NLGN1: variants seen among roughly 807,000 people sequenced by gnomAD.
NLGN1 encodes the protein neuroligin-1.
A neutral mutation model predicts 65.5 loss-of-function variants in NLGN1; 12 were observed. The ratio of observed to expected loss-of-function variants is 0.18; its 90% CI spans 0.12 to 0.30. The LOEUF (loss-of-function observed/expected upper bound fraction) is 0.30, where lower values mean the gene tolerates loss of function less well. Ranked by LOEUF, NLGN1 falls within the 10% of genes least tolerant of loss-of-function variation. NLGN1 has a pLI of 1.00. For missense variants in NLGN1, 750 were observed against 1,007.1 expected, an observed-to-expected ratio of 0.74 and a Z score of 3.46; for synonymous variants, 350 against 359.5, an observed-to-expected ratio of 0.97 and a Z score of 0.30.
chr3:173,956,555 G>C (rs1285282463), intron 4 of NLGN1, among the ~76,000 whole-genome samples: 1 of 152,090 alleles, frequency 6.6e-6, no homozygotes, highest in Non-Finnish European at 1.5e-5. Context: ...ACATGATGTG[G>C]TAACCATCAT....
chr3:173,407,434 A>T (rs1711515439), intron 1 of NLGN1, among the ~76,000 whole-genome samples: 2 of 152,186 alleles, frequency 1.3e-5, no homozygotes. Flanking sequence ...TCTTCACATA[A>T]TGCCTTCATG....
chr3:174,237,876 G>T (rs746606162), intron 4 of NLGN1, among the ~76,000 whole-genome samples: 1 of 152,096 alleles, frequency 6.6e-6, no homozygotes, highest in Non-Finnish European at 1.5e-5. Flanking sequence ...TTTTTAGGTT[G>T]TAAGTTGATA....
chr3:173,953,133 GCAGT>G (rs751263166), intron 4 of NLGN1, among the ~76,000 whole-genome samples: 3 of 152,208 alleles, frequency 2.0e-5, no homozygotes, highest in Non-Finnish European at 2.9e-5. Flanking sequence ...CTGTTTATCA[GCAGT>G]CAGAGTAGCT....
chr3:173,873,779 G>C (rs1214775590), intron 4 of NLGN1, among the ~76,000 whole-genome samples: 1 of 152,026 alleles, frequency 6.6e-6, no homozygotes, highest in Non-Finnish European at 1.5e-5. Context: ...CAGAGATCTT[G>C]GACAGTGATG....
intron 2 of NLGN1, among the ~76,000 whole-genome samples, chr3:173,456,005 A>G (rs989811061): frequency 7.2e-5 from 11 of 152,058 alleles, no homozygotes; most frequent in Admixed American, 2.0e-4. Context: ...TTTTTGTTCT[A>G]TTTAGGCCCA....
intron 3 of NLGN1, among the ~76,000 whole-genome samples, chr3:173,691,323 T>C (rs1765436573): frequency 1.3e-5 from 2 of 152,130 alleles, no homozygotes; most frequent in Non-Finnish European, 2.9e-5. Context: ...TTTCTGTCTC[T>C]CTGTTTCTCC....
intron 4 of NLGN1, among the ~76,000 whole-genome samples, chr3:173,832,417 G>T (rs1401331670): frequency 6.6e-6 from 1 of 152,104 alleles, no homozygotes; most frequent in Admixed American, 6.6e-5. Context: ...ATACAGGATT[G>T]ATATTCTTTT....
Position 173,927,533 on chromosome 3 carries a change from A to G in NLGN1, c.646+119701A>G, listed in dbSNP as rs560440571. ...TCTCCTCCTGCTCTTCCTGGCTACT[A>G]TACACTTCTTCCCATTCACTGCTCA... On this transcript the variant is annotated intron_variant, in intron 4 of 6. Transcript: ENST00000457714. 2.0e-5 allele frequency among the ~76,000 whole-genome samples: 3 copies of G among 152,190 alleles called. No individual in the cohort carries two copies. The South Asian group carries it at 6.2e-4, about 32-fold the overall frequency.
chr3:173,563,368 C>T (rs1274110339), intron 2 of NLGN1, among the ~76,000 whole-genome samples: 7 of 152,076 alleles, frequency 4.6e-5, no homozygotes, highest in Admixed American at 6.5e-5. Flanking sequence ...CTGAGAAAAT[C>T]GGAACAAACC....
chr3:173,844,111 T>G (rs2150694751), intron 4 of NLGN1, among the ~76,000 whole-genome samples: 1 of 152,232 alleles, frequency 6.6e-6, no homozygotes, highest in South Asian at 2.1e-4. Flanking sequence ...AACCATGAGA[T>G]CTCATGAGCC....
At chr3:173,438,022 A>AT (rs11387228) in intron 2 of NLGN1, among the ~76,000 whole-genome samples, 26,137 of 151,404 alleles carry the variant, frequency 0.17, 3,389 homozygotes, top group African/African-American at 0.37. Flanking sequence ...GTTACTTTGG[A>AT]TTTTTTTTTA....
intron 4 of NLGN1, among the ~76,000 whole-genome samples, chr3:173,872,474 C>A (rs780763592): frequency 1.3e-5 from 2 of 152,076 alleles, no homozygotes; most frequent in African/African-American, 2.4e-5. Context: ...TTCCAATGAT[C>A]TTGACAAAAC....
intron 4 of NLGN1, among the ~76,000 whole-genome samples, chr3:173,893,318 C>T (rs558197917): frequency 6.6e-6 from 1 of 152,094 alleles, no homozygotes; most frequent in African/African-American, 2.4e-5. Context: ...AGTTCAGTCA[C>T]CGAGGTTTAG....
chr3:174,042,156 T>A (rs1025469691), intron 4 of NLGN1, among the ~76,000 whole-genome samples: 1 of 152,222 alleles, frequency 6.6e-6, no homozygotes, highest in African/African-American at 2.4e-5. Context: ...TCACAGATAT[T>A]TCTCCCTACT....
At position 173,493,992 on chromosome 3, in the gene NLGN1, G is replaced by T. The variant is rs572485746; in HGVS notation, c.-321+58914G>T. 5.3e-5 allele frequency among the ~76,000 whole-genome samples: 8 copies of T among 151,854 alleles called. No homozygotes were observed. The East Asian group carries it at 1.3e-3, about 26-fold the overall frequency. On this transcript the variant is annotated intron_variant, in intron 2 of 6. Coordinates refer to ENST00000457714, the Ensembl canonical transcript of NLGN1. Reference sequence around the variant, plus strand: ...TACTGCATTTTGCCTTACCAAAAATGGTTGATAGTTCTCTAAAGTGTTGTA... The same window carrying T: ...TACTGCATTTTGCCTTACCAAAAATTGTTGATAGTTCTCTAAAGTGTTGTA...
At chr3:173,643,848 G>A (rs1448652598) in intron 3 of NLGN1, among the ~76,000 whole-genome samples, 2 of 152,150 alleles carry the variant, frequency 1.3e-5, no homozygotes, top group African/African-American at 4.8e-5. Context: ...AACTGGGAGT[G>A]TGCCATCATG....
chr3:173,452,326 A>G (rs1004056512), intron 2 of NLGN1, among the ~76,000 whole-genome samples: 5 of 152,032 alleles, frequency 3.3e-5, no homozygotes, highest in African/African-American at 1.2e-4. Context: ...CTGGGACTAC[A>G]GGTGCCCGCC....
intron 4 of NLGN1, among the ~76,000 whole-genome samples, chr3:174,236,372 T>C (rs1741717096): frequency 6.6e-6 from 1 of 152,094 alleles, no homozygotes; most frequent in Admixed American, 6.6e-5. Context: ...TATAATTGTT[T>C]TTCCAGATGT....
chr3:173,452,289 G>A (rs1209549704), intron 2 of NLGN1, among the ~76,000 whole-genome samples: 3 of 151,542 alleles, frequency 2.0e-5, no homozygotes, highest in Admixed American at 6.6e-5. Context: ...TCTTCCTCCC[G>A]GGTTCAAGCC....
Sources: allele counts gnomAD v4.1 joint callset (sites outside exome capture counted in the v4.1 genomes callset), GRCh38; gene constraint gnomAD v4.1.1; transcripts MANE v1.5; gene names NCBI Gene and HGNC (gene_info 2026-07-23, HGNC 2026-07-21).